The following SPATA16 variants were observed in gnomAD, a reference collection of about 807,000 sequenced individuals.
SPATA16 encodes the protein spermatogenesis associated 16, also known as spermatogenesis-associated protein 16.
A neutral mutation model predicts 63.3 loss-of-function variants in SPATA16; 36 were observed. The observed-to-expected ratio is 0.57, with a 90% CI of 0.44 to 0.75. SPATA16 has a LOEUF of 0.75. Ranked by LOEUF, SPATA16 falls within the 30% of genes least tolerant of loss-of-function variation. The pLI is 0.00. For missense variants in SPATA16, 646 were observed against 679.3 expected (o/e 0.95, Z 0.54); for synonymous variants, 203 against 216.7 (o/e 0.94, Z 0.56).
intron 3 of SPATA16, among the ~76,000 whole-genome samples, chr3:173,046,766 G>C (rs1182907055): frequency 6.6e-6 from 1 of 151,806 alleles, no homozygotes; most frequent in Non-Finnish European, 1.5e-5. Flanking sequence ...CTATATTTCA[G>C]ACTGTTTTAA....
chr3:172,923,711 G>C (rs1165269996), intron 8 of SPATA16, among the ~76,000 whole-genome samples: 2 of 152,136 alleles, frequency 1.3e-5, no homozygotes, highest in Non-Finnish European at 2.9e-5. Context: ...ATCATAGAAA[G>C]AGATTAGATA....
chr3:172,947,028 G>A (rs1733306939), intron 6 of SPATA16, among the ~76,000 whole-genome samples: 1 of 152,172 alleles, frequency 6.6e-6, no homozygotes, highest in Non-Finnish European at 1.5e-5. Context: ...GGAAAGGAAA[G>A]AGAGAGAATT....
chr3:172,951,178 A>T (rs1024111575), intron 6 of SPATA16, among the ~76,000 whole-genome samples: 1 of 152,142 alleles, frequency 6.6e-6, no homozygotes, highest in Non-Finnish European at 1.5e-5. Flanking sequence ...ATAAAAATGG[A>T]TAGCTATACT....
In SPATA16 at chr3:172,936,552, T is replaced by C. The variant is rs139209797; in HGVS notation, c.1082-11060A>G. On this transcript the variant is annotated intron_variant, in intron 6 of 10. Coordinates refer to ENST00000351008, the MANE Select transcript of SPATA16 (RefSeq NM_031955.6). Reference sequence around the variant, plus strand: ...TTTTTGTTGCTCTTATGGTATTTTGTTGCTATTATGTTGCTAAATGGTAAG... The same window carrying C: ...TTTTTGTTGCTCTTATGGTATTTTGCTGCTATTATGTTGCTAAATGGTAAG... Among the ~76,000 whole-genome samples, 11 of 152,324 alleles carry C rather than the reference T, an allele frequency of 7.2e-5. No homozygotes were observed. In the East Asian group the frequency reaches 2.1e-3, roughly 29 times the overall value.
chr3:172,915,083 G>C (rs1001210369), intron 9 of SPATA16, among the ~76,000 whole-genome samples: 1 of 152,074 alleles, frequency 6.6e-6, no homozygotes, highest in Non-Finnish European at 1.5e-5. Flanking sequence ...CACTTTGAAA[G>C]CTCCATACTT....
intron 4 of SPATA16, among the ~76,000 whole-genome samples, chr3:173,014,173 G>C (rs1735130513): frequency 6.6e-6 from 1 of 152,106 alleles, no homozygotes; most frequent in Non-Finnish European, 1.5e-5. Context: ...TAAAGACATG[G>C]ACTTAACCTT....
chr3:172,989,183 C>T (rs997357245), intron 4 of SPATA16, among the ~76,000 whole-genome samples: 1 of 152,116 alleles, frequency 6.6e-6, no homozygotes, highest in Non-Finnish European at 1.5e-5. Flanking sequence ...AGGATTCAAC[C>T]TTTCCCTCTC....
At chr3:172,947,490 T>C (rs1301762499) in intron 6 of SPATA16, among the ~76,000 whole-genome samples, 1 of 151,862 alleles carries the variant, frequency 6.6e-6, no homozygotes, top group Non-Finnish European at 1.5e-5. Flanking sequence ...CACCTCTCCA[T>C]GTTAGCTTAC....
chr3:173,000,267 A>G (rs1474292268), intron 4 of SPATA16, among the ~76,000 whole-genome samples: 1 of 152,228 alleles, frequency 6.6e-6, no homozygotes, highest in Non-Finnish European at 1.5e-5. Context: ...TGGACTTCCC[A>G]ACTTCCAGAA....
At chr3:172,920,874 G>A (rs1426542836) in intron 8 of SPATA16, among the ~76,000 whole-genome samples, 3 of 152,104 alleles carry the variant, frequency 2.0e-5, no homozygotes, top group Non-Finnish European at 4.4e-5. Flanking sequence ...ATTATGTCAA[G>A]GACTAGTATC....
At chr3:172,990,702 A>T (rs994072253) in intron 4 of SPATA16, among the ~76,000 whole-genome samples, 3 of 152,196 alleles carry the variant, frequency 2.0e-5, no homozygotes, top group Non-Finnish European at 1.5e-5. Context: ...TTTATGTCTG[A>T]GTACCTGGAA....
intron 1 of SPATA16, among the ~76,000 whole-genome samples, chr3:173,128,319 TTTCTTAAGAATTTATTAA>T (rs1308513374): frequency 5.9e-5 from 9 of 152,340 alleles, no homozygotes; most frequent in Admixed American, 5.2e-4. Context: ...TATCCCTTTT[TTTCTTAAGAATTTATTAA>T]TTAATTCAAT....
chr3:173,061,972 C>G (rs1391837999), intron 2 of SPATA16, among the ~76,000 whole-genome samples: 2 of 151,178 alleles, frequency 1.3e-5, no homozygotes, highest in African/African-American at 4.9e-5. Context: ...CCCTGAGTGA[C>G]AAGCTATTGA....
intron 6 of SPATA16, among the ~76,000 whole-genome samples, chr3:172,928,295 A>G (rs757294573): frequency 5.3e-5 from 8 of 152,160 alleles, no homozygotes; most frequent in Non-Finnish European, 1.2e-4. Context: ...TAAAAATGTG[A>G]TTTCTACTTT....
At chr3:172,919,213 C>T (rs1277199470) in intron 8 of SPATA16, among the ~76,000 whole-genome samples, 1 of 152,126 alleles carries the variant, frequency 6.6e-6, no homozygotes, top group Non-Finnish European at 1.5e-5. Flanking sequence ...AAGCACAGTA[C>T]ATAAGGTTTG....
At chr3:172,978,300 G>A (rs918499323) in intron 4 of SPATA16, among the ~76,000 whole-genome samples, 12 of 152,260 alleles carry the variant, frequency 7.9e-5, no homozygotes, top group South Asian at 6.2e-4. Context: ...GGTAAAGAGA[G>A]GTAGGAGGTT....
intron 1 of SPATA16, among the ~76,000 whole-genome samples, chr3:173,128,132 T>G (rs1170661265): frequency 2.6e-5 from 4 of 152,270 alleles, no homozygotes; most frequent in African/African-American, 7.2e-5. Flanking sequence ...CCATATTTAG[T>G]GGCAATGGCA....
chr3:173,014,609 A>C (rs750359627), intron 4 of SPATA16, among the ~76,000 whole-genome samples: 2 of 152,236 alleles, frequency 1.3e-5, no homozygotes, highest in Non-Finnish European at 2.9e-5. Context: ...ATATTTTAAA[A>C]AGTAAATAAA....
chr3:172,948,055 G>T (rs143937364), intron 6 of SPATA16, among the ~76,000 whole-genome samples: 144 of 151,380 alleles, frequency 9.5e-4, no homozygotes, highest in African/African-American at 3.3e-3. Flanking sequence ...GAGAGAGAGA[G>T]ATTGGGGTAG....
Sources: gnomAD v4.1 joint callset for allele counts (sites outside exome capture counted in the v4.1 genomes callset) on GRCh38, gnomAD v4.1.1 for gene constraint, MANE v1.5 for transcripts, NCBI Gene and HGNC (gene_info 2026-07-23, HGNC 2026-07-21) for gene names.